The following FLT1 variants were observed in gnomAD, a reference collection of about 807,000 sequenced individuals.
The protein encoded by FLT1 is fms related receptor tyrosine kinase 1.
FLT1 carries 49 observed loss-of-function variants against 156.3 expected under a neutral mutation model. That is an observed-to-expected ratio of 0.31 (90% confidence interval 0.25 to 0.40). The LOEUF is 0.40. Ranked by LOEUF, FLT1 falls within the 10% of genes least tolerant of loss-of-function variation. The probability of loss-of-function intolerance (pLI) is 1.00; values close to 1 mark genes in which losing one functional copy is unlikely to be tolerated. For synonymous variants in FLT1, 594 were observed against 583.8 expected (o/e 1.02, Z -0.25); for missense variants, 1,322 against 1,637.2 (o/e 0.81, Z 3.32).
At chr13:28,464,291 T>C (rs1398422384) in intron 3 of FLT1, among the ~76,000 whole-genome samples, 3 of 152,222 alleles carry the variant, frequency 2.0e-5, no homozygotes, top group Non-Finnish European at 2.9e-5. Context: ...ATTATGCAAG[T>C]GTTTTATGAT....
At chr13:28,407,067 A>C (rs1016997998) in intron 10 of FLT1, among the ~76,000 whole-genome samples, 6 of 152,066 alleles carry the variant, frequency 3.9e-5, no homozygotes, top group Admixed American at 3.3e-4. Context: ...TGCTGACTTA[A>C]TGGTTCTGAG....
intron 3 of FLT1, among the ~76,000 whole-genome samples, chr13:28,453,992 C>A (rs1879125548): frequency 6.6e-6 from 1 of 151,842 alleles, no homozygotes; most frequent in Non-Finnish European, 1.5e-5. Context: ...TAACTTGAGA[C>A]CTGAAAAGTG....
chr13:28,460,921 T>C (rs1404709518), intron 3 of FLT1, among the ~76,000 whole-genome samples: 1 of 152,066 alleles, frequency 6.6e-6, no homozygotes, highest in Non-Finnish European at 1.5e-5. Context: ...ACACTTACCC[T>C]TACTCTTTGC....
chr13:28,412,307 C>CCCTT (rs1876254708), intron 10 of FLT1, among the ~76,000 whole-genome samples: 5 of 53,564 alleles, frequency 9.3e-5, no homozygotes. Context: ...TTTTCTCTTT[C>CCCTT]TCTTTCTTTC....
chr13:28,441,987 T>G (rs1276061123), intron 3 of FLT1, among the ~76,000 whole-genome samples: 1 of 152,214 alleles, frequency 6.6e-6, no homozygotes, highest in Non-Finnish European at 1.5e-5. Flanking sequence ...TTGATTTACC[T>G]GAGTTTCATC....
rs56031277 is a variant in FLT1 at position 28,327,756 on chromosome 13, C to CAAAAAAAA, written c.2708-214_2708-207dup. On this transcript the variant is annotated intron_variant, in intron 19 of 29. Transcript: ENST00000282397. Reference sequence around the variant, plus strand: ...GGGTTTAAAGAATACAATTGAAATACAAAAAAAAAAAAAAAAAAAAGGAGG... The same window carrying CAAAAAAAA: ...GGGTTTAAAGAATACAATTGAAATACAAAAAAAAAAAAAAAAAAAAAAAAAAAAGGAGG... 2.4e-4 allele frequency among the ~76,000 whole-genome samples: 30 copies of CAAAAAAAA among 122,762 alleles called. No homozygotes were observed. The East Asian group carries it at 2.5e-3, about 10-fold the overall frequency. 80.5% of individuals were successfully genotyped at this position (122,762 alleles called of 152,430 possible).
chr13:28,367,014 A>G (rs1353293445), intron 14 of FLT1, among the ~76,000 whole-genome samples: 2 of 152,190 alleles, frequency 1.3e-5, no homozygotes, highest in Non-Finnish European at 2.9e-5. Flanking sequence ...AAATGAAGAC[A>G]ATGGAAAATG....
intron 11 of FLT1, among the ~76,000 whole-genome samples, chr13:28,404,146 A>G (rs539942951): frequency 1.3e-5 from 2 of 152,364 alleles, no homozygotes; most frequent in South Asian, 2.1e-4. Flanking sequence ...ATCAATAGCT[A>G]TACATCACGG....
chr13:28,455,140 G>A (rs929278565), intron 3 of FLT1, among the ~76,000 whole-genome samples: 1 of 152,140 alleles, frequency 6.6e-6, no homozygotes, highest in Non-Finnish European at 1.5e-5. Flanking sequence ...TTGTGGATAT[G>A]GACAAACTGA....
At chr13:28,434,627 A>G (rs923932250) in intron 4 of FLT1, among the ~76,000 whole-genome samples, 16 of 152,210 alleles carry the variant, frequency 1.1e-4, no homozygotes, top group African/African-American at 3.9e-4. Context: ...TCACGCCTGT[A>G]ATTCCAGTAC....
intron 12 of FLT1, among the ~76,000 whole-genome samples, chr13:28,396,546 G>A (rs1373100747): frequency 6.6e-6 from 1 of 152,056 alleles, no homozygotes; most frequent in Non-Finnish European, 1.5e-5. Context: ...AATTACCTAA[G>A]TTGTAAAAAA....
chr13:28,395,484 T>G (rs1874988515), intron 12 of FLT1, among the ~76,000 whole-genome samples: 1 of 152,222 alleles, frequency 6.6e-6, no homozygotes, highest in Non-Finnish European at 1.5e-5. Context: ...TTTATTTAAA[T>G]TGATTTAAGT....
chr13:28,410,124 T>G (rs1302631747), intron 10 of FLT1, among the ~76,000 whole-genome samples: 2 of 152,228 alleles, frequency 1.3e-5, no homozygotes, highest in Non-Finnish European at 2.9e-5. Flanking sequence ...CCCTTTGTGT[T>G]CACCTGTGCT....
chr13:28,404,218 C>T (rs1309258760), intron 11 of FLT1, among the ~76,000 whole-genome samples: 1 of 152,196 alleles, frequency 6.6e-6, no homozygotes, highest in African/African-American at 2.4e-5. Context: ...CCTACAGCTA[C>T]TGCTATAGTT....
intron 3 of FLT1, among the ~76,000 whole-genome samples, chr13:28,461,148 T>A (rs75703871): frequency 6.6e-6 from 1 of 150,536 alleles, no homozygotes. Flanking sequence ...TTTTTTTTTT[T>A]AATGCAGGTT....
chr13:28,367,345 A>T (rs1339507304), intron 14 of FLT1, among the ~76,000 whole-genome samples: 1 of 152,224 alleles, frequency 6.6e-6, no homozygotes, highest in African/African-American at 2.4e-5. Context: ...GTATCTGACG[A>T]TGAAACTCAG....
At chr13:28,462,812 G>A (rs576257051) in intron 3 of FLT1, among the ~76,000 whole-genome samples, 6 of 152,122 alleles carry the variant, frequency 3.9e-5, no homozygotes, top group Non-Finnish European at 7.4e-5. Context: ...TCCCCACCAC[G>A]ACCAAAGTGA....
At chr13:28,331,759 G>A (rs1355520562) in intron 18 of FLT1, among the ~76,000 whole-genome samples, 1 of 151,956 alleles carries the variant, frequency 6.6e-6, no homozygotes, top group Non-Finnish European at 1.5e-5. Context: ...AGAATCAGAT[G>A]GCCAATTAAT....
At chr13:28,363,622 C>CT (rs921224512) in intron 14 of FLT1, among the ~76,000 whole-genome samples, 226 of 146,386 alleles carry the variant, frequency 1.5e-3, no homozygotes, top group African/African-American at 3.9e-3. Context: ...TATATTTATC[C>CT]TTTTTTTTTT....
Sources: gnomAD v4.1 joint callset for allele counts (sites outside exome capture counted in the v4.1 genomes callset) on GRCh38, gnomAD v4.1.1 for gene constraint, MANE v1.5 for transcripts, NCBI Gene and HGNC (gene_info 2026-07-23, HGNC 2026-07-21) for gene names.